GRID2: variants seen among roughly 807,000 people sequenced by gnomAD.
The protein encoded by GRID2 is glutamate receptor ionotropic, delta-2.
Under a neutral mutation model 114.8 loss-of-function variants are expected in GRID2, and 33 were observed. The ratio of observed to expected loss-of-function variants is 0.29; its 90% CI spans 0.22 to 0.38. GRID2 has a LOEUF of 0.38. Among genes scored for constraint, GRID2 ranks in the 10% least tolerant of loss-of-function variants. The pLI, the probability that GRID2 is intolerant of heterozygous loss-of-function variation, is 1.00. For synonymous variants in GRID2, 505 were observed against 449.9 expected (o/e 1.12, Z -1.55); for missense variants, 1,184 against 1,257.7 (o/e 0.94, Z 0.89).
At chr4:92,380,028 G>GA (rs1216965897) in intron 1 of GRID2, among the ~76,000 whole-genome samples, 4 of 151,850 alleles carry the variant, frequency 2.6e-5, no homozygotes, top group Non-Finnish European at 2.9e-5. Flanking sequence ...CTAATTATGT[G>GA]AAAAAACTAT....
intron 1 of GRID2, among the ~76,000 whole-genome samples, chr4:92,562,340 A>T (rs1406896772): frequency 6.6e-6 from 1 of 152,190 alleles, no homozygotes; most frequent in Non-Finnish European, 1.5e-5. Context: ...CATTTAAATG[A>T]TATTGTAATA....
At chr4:92,529,778 G>A (rs1725238334) in intron 1 of GRID2, among the ~76,000 whole-genome samples, 1 of 152,140 alleles carries the variant, frequency 6.6e-6, no homozygotes, top group African/African-American at 2.4e-5. Context: ...AGTTGTGTCA[G>A]GGATGAATTG....
At chr4:93,676,435 G>T (rs1181006656) in intron 14 of GRID2, among the ~76,000 whole-genome samples, 1 of 152,136 alleles carries the variant, frequency 6.6e-6, no homozygotes, top group Non-Finnish European at 1.5e-5. Context: ...GCATAAAGAA[G>T]AAAGTCCTGT....
chr4:93,614,232 A>T (rs1741335182), intron 13 of GRID2, among the ~76,000 whole-genome samples: 5 of 152,256 alleles, frequency 3.3e-5, no homozygotes, highest in South Asian at 4.2e-4. Context: ...AGTGGGATGA[A>T]CCTGGTACCT....
intron 14 of GRID2, among the ~76,000 whole-genome samples, chr4:93,648,496 G>A (rs1321588002): frequency 6.6e-6 from 1 of 152,132 alleles, no homozygotes; most frequent in Non-Finnish European, 1.5e-5. Context: ...AGCAATTTCT[G>A]TACAAAGCCA....
intron 2 of GRID2, among the ~76,000 whole-genome samples, chr4:92,887,631 G>A (rs949040072): frequency 1.2e-3 from 185 of 152,244 alleles, no homozygotes; most frequent in Admixed American, 0.012. Context: ...AATGGTGCTA[G>A]GACCAGGTCT....
intron 2 of GRID2, among the ~76,000 whole-genome samples, chr4:92,741,707 A>G (rs1736901515): frequency 6.6e-6 from 1 of 152,194 alleles, no homozygotes; most frequent in Non-Finnish European, 1.5e-5. Flanking sequence ...GTCCGTTCAA[A>G]TGTTTTCAAA....
At chr4:92,426,724 C>T (rs754163338) in intron 1 of GRID2, among the ~76,000 whole-genome samples, 4 of 152,096 alleles carry the variant, frequency 2.6e-5, no homozygotes, top group Non-Finnish European at 4.4e-5. Context: ...GAAATTATCA[C>T]ATACATTTTT....
intron 8 of GRID2, among the ~76,000 whole-genome samples, chr4:93,365,696 C>T (rs1040943009): frequency 1.3e-5 from 2 of 152,126 alleles, no homozygotes; most frequent in African/African-American, 4.8e-5. Flanking sequence ...AGATAGTTCT[C>T]ATATAGTTCA....
chr4:92,642,983 C>T lies in GRID2; in HGVS notation c.244+52697C>T, dbSNP rs549243288. 2.6e-5 allele frequency among the ~76,000 whole-genome samples: 4 copies of T among 151,736 alleles called. No homozygotes were observed. The South Asian group carries it at 8.3e-4, about 32-fold the overall frequency. On this transcript the variant is annotated intron_variant, in intron 2 of 15. Transcript: ENST00000282020. ...TGTTTGTTTTTGTACCAATACCATGCTATTTGGTTACTGTAGCCTTATAGT... is the reference window on the plus strand; with the variant it reads ...TGTTTGTTTTTGTACCAATACCATGTTATTTGGTTACTGTAGCCTTATAGT...
At chr4:92,354,304 T>G (rs986937594) in intron 1 of GRID2, among the ~76,000 whole-genome samples, 10 of 151,998 alleles carry the variant, frequency 6.6e-5, no homozygotes, top group African/African-American at 2.4e-4. Context: ...GCTGTGAACC[T>G]TTGACTGTCT....
In GRID2 at chr4:92,448,244, G is replaced by A. The variant is rs184903066; in HGVS notation, c.89-141887G>A. ...GGCTGGAGTGCAGTGGTACCATCTCGGCTCACTGCAACCTCTACCTCTCGG... is the reference window on the plus strand; with the variant it reads ...GGCTGGAGTGCAGTGGTACCATCTCAGCTCACTGCAACCTCTACCTCTCGG... On this transcript the variant is annotated intron_variant, in intron 1 of 15. Transcript: ENST00000282020. Among the ~76,000 whole-genome samples, 987 of 151,910 alleles carry A rather than the reference G, an allele frequency of 6.5e-3. 10 individuals are homozygous for A. The highest frequency in any genetic ancestry group is 0.022 in the African/African-American group (907 of 41,412).
chr4:92,987,901 G>C (rs1754610221), intron 2 of GRID2, among the ~76,000 whole-genome samples: 1 of 152,038 alleles, frequency 6.6e-6, no homozygotes, highest in Non-Finnish European at 1.5e-5. Flanking sequence ...TCACATAGAT[G>C]TTATGTTTTG....
chr4:92,881,307 T>C (rs1745994047), intron 2 of GRID2, among the ~76,000 whole-genome samples: 1 of 152,172 alleles, frequency 6.6e-6, no homozygotes, highest in African/African-American at 2.4e-5. Flanking sequence ...CAAATTGTCA[T>C]TTTCCTGGCT....
At chr4:92,539,438 T>G (rs977999758) in intron 1 of GRID2, among the ~76,000 whole-genome samples, 1 of 152,160 alleles carries the variant, frequency 6.6e-6, no homozygotes, top group Non-Finnish European at 1.5e-5. Flanking sequence ...ATAATTTTTC[T>G]TATAATATTA....
intron 2 of GRID2, among the ~76,000 whole-genome samples, chr4:92,620,995 CAA>C (rs67388525): frequency 1.1e-3 from 129 of 112,240 alleles, no homozygotes; most frequent in Middle Eastern, 5.0e-3. Context: ...TAAAGAATGC[CAA>C]AAAAAAAAAA....
intron 4 of GRID2, among the ~76,000 whole-genome samples, chr4:93,185,973 A>G (rs1740376830): frequency 6.6e-6 from 1 of 151,792 alleles, no homozygotes; most frequent in Non-Finnish European, 1.5e-5. Context: ...TTGAATTCCC[A>G]CCTATGAGTG....
At chr4:92,601,480 C>T (rs184060699) in intron 2 of GRID2, among the ~76,000 whole-genome samples, 251 of 152,170 alleles carry the variant, frequency 1.6e-3, no homozygotes, top group African/African-American at 5.9e-3. Flanking sequence ...TTCTTTAAAA[C>T]TAATGAGAAC....
chr4:93,747,791 T>TC (rs1222760281), intron 14 of GRID2, among the ~76,000 whole-genome samples: 1 of 152,124 alleles, frequency 6.6e-6, no homozygotes, highest in African/African-American at 2.4e-5. Flanking sequence ...TTGATTTGTT[T>TC]TCCCCCCCAG....
Sources: gnomAD v4.1 joint callset for allele counts (sites outside exome capture counted in the v4.1 genomes callset) on GRCh38, gnomAD v4.1.1 for gene constraint, MANE v1.5 for transcripts, NCBI Gene and HGNC (gene_info 2026-07-23, HGNC 2026-07-21) for gene names.